MAP3K2: variants seen among roughly 807,000 people sequenced by gnomAD.
MAP3K2 encodes the protein MAP/ERK kinase kinase 2.
In MAP3K2, 24 loss-of-function variants were observed where a neutral mutation model predicts 80.3. That is an observed-to-expected ratio of 0.30 (90% CI 0.22 to 0.42). The LOEUF is 0.42. Ranked by LOEUF, MAP3K2 falls within the 10% of genes least tolerant of loss-of-function variation. MAP3K2 has a pLI of 1.00. For synonymous variants in MAP3K2, 244 were observed against 253.7 expected (o/e 0.96, Z 0.36); for missense variants, 608 against 750.1 (o/e 0.81, Z 2.21).
In MAP3K2 at chr2:127,299,728, A is replaced by C. The variant is rs1414675939; in HGVS notation, c.*7851T>G. The C allele has an allele frequency of 6.6e-6, 1 of 152,170 alleles. No homozygotes were observed. The highest frequency in any genetic ancestry group is 2.4e-5 in the African/African-American group (1 of 41,448). 9.4% of individuals were successfully genotyped at this position (152,170 alleles called of 1,614,324 possible). A position where few individuals can be genotyped will look rare whatever the true frequency, so the allele number is the denominator to read the frequency against. On this transcript the variant is annotated 3_prime_UTR_variant, in exon 17 of 17. Coordinates refer to ENST00000682094, the MANE Select transcript of MAP3K2 (RefSeq NM_001371910.2). ...GTATGACTTGCATTCAATTCTGAAA[A>C]TACAAATACATTTTGAATGGCTAAA...
chr2:127,325,829 C>T, intron 8 of MAP3K2, 22 bp from the exon 9 acceptor site: 1 of 1,561,500 alleles, frequency 6.4e-7, no homozygotes, highest in Non-Finnish European at 8.8e-7. Flanking sequence ...AGGAGTTCCA[C>T]CATGATTCAA....
intron 5 of MAP3K2, among the ~76,000 whole-genome samples, chr2:127,335,131 T>C (rs1686340542): frequency 1.3e-5 from 2 of 152,204 alleles, no homozygotes; most frequent in African/African-American, 2.4e-5. Flanking sequence ...AATGGTTTGC[T>C]TGTACCACAA....
chr2:127,323,789 T>C, intron 11 of MAP3K2, 113 bp downstream of exon 11: 1 of 480,856 alleles, frequency 2.1e-6, no homozygotes, highest in Non-Finnish European at 3.7e-6. Flanking sequence ...ACACAATTCC[T>C]CATATTTTTC....
intron 1 of MAP3K2, among the ~76,000 whole-genome samples, chr2:127,384,302 A>G (rs1460353923): frequency 6.6e-6 from 1 of 151,896 alleles, no homozygotes; most frequent in Admixed American, 6.6e-5. Context: ...CTTTATACGC[A>G]CTGTGAAACT....
chr2:127,315,626 T>TA (rs778534756), intron 14 of MAP3K2, among the ~76,000 whole-genome samples: 2 of 152,168 alleles, frequency 1.3e-5, no homozygotes, highest in Non-Finnish European at 2.9e-5. Context: ...GTCTACTGTG[T>TA]CTCTACTTGT....
chr2:127,337,334 A>C (rs755761932), intron 4 of MAP3K2, among the ~76,000 whole-genome samples: 10 of 152,200 alleles, frequency 6.6e-5, no homozygotes. Flanking sequence ...TAAATGTCAT[A>C]AAACTGAGGT....
intron 1 of MAP3K2, among the ~76,000 whole-genome samples, chr2:127,370,422 G>A (rs1245552980): frequency 6.6e-6 from 1 of 152,204 alleles, no homozygotes; most frequent in Non-Finnish European, 1.5e-5. Context: ...CAGAACCCTT[G>A]AAAATGAAGG....
intron 15 of MAP3K2, 47 bp downstream of exon 15, chr2:127,314,707 T>G (rs781483191): frequency 4.9e-6 from 7 of 1,438,414 alleles, no homozygotes; most frequent in Non-Finnish European, 6.7e-6. Flanking sequence ...TTCATTCACA[T>G]TCACTAAGAA....
At chr2:127,344,602 C>CA (rs1394640653) in intron 1 of MAP3K2, among the ~76,000 whole-genome samples, 2 of 151,910 alleles carry the variant, frequency 1.3e-5, no homozygotes, top group Non-Finnish European at 2.9e-5. Flanking sequence ...CCAGGGAGGT[C>CA]AACGCTGCAG....
At chr2:127,351,994 A>T (rs1482086934) in intron 1 of MAP3K2, among the ~76,000 whole-genome samples, 1 of 151,768 alleles carries the variant, frequency 6.6e-6, no homozygotes, top group Non-Finnish European at 1.5e-5. Context: ...CTCCCACCTC[A>T]GCCACCCAAG....
At chr2:127,367,662 A>C (rs1032288542) in intron 1 of MAP3K2, among the ~76,000 whole-genome samples, 1 of 152,024 alleles carries the variant, frequency 6.6e-6, no homozygotes, top group Non-Finnish European at 1.5e-5. Context: ...GCGTGGTGGC[A>C]CATGCCTGTA....
At chr2:127,316,435 C>T (rs1038781321) in intron 14 of MAP3K2, among the ~76,000 whole-genome samples, 1 of 152,086 alleles carries the variant, frequency 6.6e-6, no homozygotes, top group African/African-American at 2.4e-5. Context: ...ATATTAATCA[C>T]CACCTTGAAA....
At chr2:127,315,417 G>GGTGTA (rs1685881937) in intron 14 of MAP3K2, among the ~76,000 whole-genome samples, 1 of 152,098 alleles carries the variant, frequency 6.6e-6, no homozygotes, top group African/African-American at 2.4e-5. Flanking sequence ...TTTGGTAAAC[G>GGTGTA]GTGTACTCTG....
chr2:127,365,862 A>G (rs1276982809), intron 1 of MAP3K2, among the ~76,000 whole-genome samples: 5 of 152,202 alleles, frequency 3.3e-5, no homozygotes, highest in South Asian at 2.1e-4. Flanking sequence ...ATGAAGTCCT[A>G]TTCCTTTCCT....
intron 8 of MAP3K2, among the ~76,000 whole-genome samples, chr2:127,326,304 T>TCCGTCTCAA (rs1371471977): frequency 2.9e-5 from 2 of 68,526 alleles, no homozygotes; most frequent in African/African-American, 4.1e-5. Flanking sequence ...ATTTTAATAC[T>TCCGTCTCAA]ATAAAATTGA....
In MAP3K2 at chr2:127,321,333, CTT is replaced by C. The variant is rs1686016319; in HGVS notation, c.1045+711_1045+712del. On this transcript the variant is annotated intron_variant, in intron 12 of 16. Coordinates refer to ENST00000682094, the MANE Select transcript of MAP3K2 (RefSeq NM_001371910.2). This position sits in a 1 kb window ranked among gnomAD's most constrained non-coding sequence, Gnocchi z 4.4. Reference sequence around the variant, plus strand: ...AGATATATATAAAAGACATTTTTCTCTTATTTTTAATCACTTCAAAAGATAGC... The same window carrying C: ...AGATATATATAAAAGACATTTTTCTCATTTTTAATCACTTCAAAAGATAGC... 6.6e-6 allele frequency among the ~76,000 whole-genome samples: 1 copy of C among 152,096 alleles called. No individual in the cohort carries two copies. The highest frequency in any genetic ancestry group is 2.1e-4 in the South Asian group (1 of 4,818).
At position 127,364,274 on chromosome 2, in the gene MAP3K2, A is replaced by C. The variant is rs947441945; in HGVS notation, c.-65-21080T>G. On this transcript the variant is annotated intron_variant, in intron 1 of 16. Transcript: ENST00000682094. This position sits in a 1 kb window ranked among gnomAD's most constrained non-coding sequence, Gnocchi z 4.1. ...AGGAAACCATTCGGATAACCAAAAG[A>C]AGCAAATAGATAATCAAAAAAAGCA... Among the ~76,000 whole-genome samples, 5 of 152,322 alleles carry C rather than the reference A, an allele frequency of 3.3e-5. No homozygotes were observed. In the East Asian group the frequency reaches 5.8e-4, roughly 18 times the overall value.
chr2:127,384,968 C>T (rs988388560), intron 1 of MAP3K2, among the ~76,000 whole-genome samples: 1 of 152,082 alleles, frequency 6.6e-6, no homozygotes, highest in African/African-American at 2.4e-5. Context: ...GGAATCTACT[C>T]CTAGTGAAGA....
chr2:127,352,280 C>T (rs1267187069), intron 1 of MAP3K2, among the ~76,000 whole-genome samples: 1 of 152,012 alleles, frequency 6.6e-6, no homozygotes, highest in Admixed American at 6.6e-5. Flanking sequence ...ATCCCCACCA[C>T]TGCAAAAAAA....
Sources: gnomAD v4.1 joint callset for allele counts (sites outside exome capture counted in the v4.1 genomes callset) on GRCh38, gnomAD v4.1.1 for gene constraint, Gnocchi (gnomAD v3.1) non-coding constraint, MANE v1.5 for transcripts, NCBI Gene and HGNC (gene_info 2026-07-23, HGNC 2026-07-21) for gene names.